The following GLCE variants were observed in gnomAD, a reference collection of about 807,000 sequenced individuals.
The protein encoded by GLCE is D-glucuronyl C5-epimerase.
In GLCE, 19 loss-of-function variants were observed where a neutral mutation model predicts 47.9. The ratio of observed to expected loss-of-function variants is 0.40; its 90% confidence interval spans 0.28 to 0.58. The LOEUF is 0.58. Ranked by LOEUF, GLCE falls within the 20% of genes least tolerant of loss-of-function variation. The pLI, the probability that GLCE is intolerant of heterozygous loss-of-function variation, is 0.48. For missense variants in GLCE, 556 were observed against 743.3 expected (o/e 0.75, Z 2.93); for synonymous variants, 245 against 263.4 (o/e 0.93, Z 0.68).
intron 1 of GLCE, among the ~76,000 whole-genome samples, chr15:69,176,216 GT>G (rs35017106): frequency 1.4e-4 from 9 of 63,408 alleles, no homozygotes; most frequent in East Asian, 1.1e-3. Context: ...GTGGAACCTT[GT>G]TTTTTTTTTT....
At chr15:69,175,256 C>T (rs929660580) in intron 1 of GLCE, among the ~76,000 whole-genome samples, 2 of 151,952 alleles carry the variant, frequency 1.3e-5, no homozygotes, top group South Asian at 4.2e-4. Context: ...AAGATTTTTC[C>T]ATCATCCTCA....
chr15:69,181,644 T>C (rs978952307), intron 1 of GLCE, among the ~76,000 whole-genome samples: 2 of 152,116 alleles, frequency 1.3e-5, no homozygotes, highest in African/African-American at 2.4e-5. Flanking sequence ...GCAGGTTTGA[T>C]AGAGTGGTGG....
intron 1 of GLCE, among the ~76,000 whole-genome samples, chr15:69,171,220 A>C (rs1176394970): frequency 6.6e-6 from 1 of 152,164 alleles, no homozygotes; most frequent in African/African-American, 2.4e-5. Flanking sequence ...AAATATTTTA[A>C]GACAGTTTTT....
chr15:69,211,774 ATAAAG>A (rs896651622), intron 2 of GLCE, among the ~76,000 whole-genome samples: 11 of 152,038 alleles, frequency 7.2e-5, no homozygotes, highest in African/African-American at 1.2e-4. Flanking sequence ...TTTTAAGAAA[ATAAAG>A]TAAGCTTCTA....
chr15:69,204,727 A>T (rs1219659765), intron 1 of GLCE, among the ~76,000 whole-genome samples: 1 of 152,168 alleles, frequency 6.6e-6, no homozygotes, highest in Admixed American at 6.6e-5. Flanking sequence ...TTCTTTTATG[A>T]TACCACTAAG....
chr15:69,212,881 T>TA, intron 2 of GLCE, among the ~76,000 whole-genome samples: 1 of 152,232 alleles, frequency 6.6e-6, no homozygotes, highest in East Asian at 1.9e-4. Context: ...TTAAAAATCT[T>TA]ACTTTAGTTG....
chr15:69,268,904 G>A lies in GLCE; in HGVS notation c.1514G>A (p.Ser505Asn). ...DWYEEYPTTP[S>N]SFVLNGFMYS... ...TATGAAGAATATCCAACCACACCTAGCTCTTTTGTTTTAAATGGCTTTATG... is the reference window on the plus strand; with the variant it reads ...TATGAAGAATATCCAACCACACCTAACTCTTTTGTTTTAAATGGCTTTATG... The change falls in exon 5 of 5, where the codon AGC becomes AAC. Residue 505 changes from serine to asparagine, a missense_variant. By Grantham distance (46) the Ser-to-Asn change is conservative. Transcript: ENST00000261858. 1 of 1,613,944 alleles carries A rather than the reference G, an allele frequency of 6.2e-7. No individual in the cohort carries two copies. Among genetic ancestry groups the A allele is most frequent in the Non-Finnish European group, 8.5e-7 (1 of 1,179,854 alleles).
rs973360600 is a variant in GLCE, at chr15:69,184,282, T to A, written c.-105+23525T>A. 3.9e-5 allele frequency among the ~76,000 whole-genome samples: 6 copies of A among 152,316 alleles called. No individual in the cohort carries two copies. The East Asian group carries it at 5.8e-4, about 15-fold the overall frequency. ...TTCAATTTAGTTGTAGCTCTGGGCA[T>A]GCAATGCGGAATAATGACATCTCTC... is the stretch of plus-strand genomic sequence containing the variant. On this transcript the variant is annotated intron_variant, in intron 1 of 4. Transcript: ENST00000261858.
chr15:69,226,895 C>T (rs1012824412), intron 2 of GLCE, among the ~76,000 whole-genome samples: 5 of 151,858 alleles, frequency 3.3e-5, no homozygotes, highest in Admixed American at 6.6e-5. Flanking sequence ...CAGGCGCCCA[C>T]CACCACACTC....
chr15:69,249,191 T>G (rs1363858904), intron 2 of GLCE, among the ~76,000 whole-genome samples: 8 of 152,016 alleles, frequency 5.3e-5, no homozygotes, highest in Non-Finnish European at 4.4e-5. Flanking sequence ...GGAAATAGAG[T>G]GCTAGGCATG....
chr15:69,235,090 A>AATCTTTTTTTTTTTTTTTTTT (rs1163529945), intron 2 of GLCE, among the ~76,000 whole-genome samples: 2 of 82,488 alleles, frequency 2.4e-5, no homozygotes, highest in African/African-American at 5.7e-5. Flanking sequence ...GATGAAGATT[A>AATCTTTTTTTTTTTTTTTTTT]TTCTTTTTTT....
In GLCE at chr15:69,268,526, A is replaced by G; in HGVS notation, c.1136A>G (p.Lys379Arg). ...AAGCCAACCAAAATAATGCCCAAGA[A>G]GGTGGTTAGGTTGATTGCAAAAGGT... ...AVKPTKIMPK[K>R]VVRLIAKGKG... The change falls in exon 5 of 5, where the codon AAG becomes AGG. Residue 379 changes from lysine to arginine, a missense_variant. Transcript: ENST00000261858. The G allele has an allele frequency of 6.2e-7, 1 of 1,614,192 alleles. No homozygotes were observed. Among genetic ancestry groups the G allele is most frequent in the Non-Finnish European group, 8.5e-7 (1 of 1,180,026 alleles).
At chr15:69,210,616 T>C (rs1330306456) in intron 2 of GLCE, among the ~76,000 whole-genome samples, 1 of 152,134 alleles carries the variant, frequency 6.6e-6, no homozygotes, top group East Asian at 1.9e-4. Flanking sequence ...CCTCAGGAAA[T>C]ATTTTCATGG....
At chr15:69,224,202 T>C (rs2052415078) in intron 2 of GLCE, among the ~76,000 whole-genome samples, 1 of 152,246 alleles carries the variant, frequency 6.6e-6, no homozygotes, top group Non-Finnish European at 1.5e-5. Flanking sequence ...ATTTTCTCCT[T>C]TCACTAGGGC....
chr15:69,194,646 T>C (rs988096749), intron 1 of GLCE: 6 of 152,298 alleles, frequency 3.9e-5, no homozygotes, highest in Admixed American at 2.0e-4. Flanking sequence ...ATCTGTTAAA[T>C]ATCTTCCTCT....
intron 1 of GLCE, among the ~76,000 whole-genome samples, chr15:69,167,476 T>C (rs1366030443): frequency 6.6e-6 from 1 of 152,224 alleles, no homozygotes; most frequent in African/African-American, 2.4e-5. Flanking sequence ...TCTTAAAATT[T>C]GTCCACAGTT....
At chr15:69,268,174 G>C in intron 4 of GLCE, 46 bp from the exon 5 acceptor site, 2 of 1,226,362 alleles carry the variant, frequency 1.6e-6, no homozygotes, top group Non-Finnish European at 1.1e-6. Context: ...AAATACAAAA[G>C]TGCTTTTATT....
chr15:69,267,530 T>A (rs2053102467), intron 4 of GLCE, among the ~76,000 whole-genome samples: 1 of 152,238 alleles, frequency 6.6e-6, no homozygotes, highest in Non-Finnish European at 1.5e-5. Flanking sequence ...TATTAGCACT[T>A]CTAGCAAGTA....
chr15:69,232,225 G>A (rs937581741), intron 2 of GLCE, among the ~76,000 whole-genome samples: 2 of 152,164 alleles, frequency 1.3e-5, no homozygotes, highest in African/African-American at 4.8e-5. Context: ...GTATGTTAAC[G>A]AGTGAATCTA....
Sources: allele counts gnomAD v4.1 joint callset (sites outside exome capture counted in the v4.1 genomes callset), GRCh38; gene constraint gnomAD v4.1.1; transcripts MANE v1.5; gene names NCBI Gene and HGNC (gene_info 2026-07-23, HGNC 2026-07-21).